CTNNA2: variants seen among roughly 807,000 people sequenced by gnomAD.
CTNNA2 encodes catenin alpha 2.
A neutral mutation model predicts 101.0 loss-of-function variants in CTNNA2; 42 were observed. The observed-to-expected ratio is 0.42, with a 90% CI of 0.32 to 0.54. CTNNA2 has a LOEUF of 0.54. CTNNA2 is among the 20% of genes least tolerant of loss of function. The probability of loss-of-function intolerance (pLI) is 0.14; values close to 1 mark genes in which losing one functional copy is unlikely to be tolerated. For synonymous variants in CTNNA2, 450 were observed against 456.4 expected (o/e 0.99, Z 0.18); for missense variants, 871 against 1,223.1 (o/e 0.71, Z 4.29).
intron 7 of CTNNA2, among the ~76,000 whole-genome samples, chr2:80,227,600 A>T (rs1288347406): frequency 6.6e-6 from 1 of 152,156 alleles, no homozygotes; most frequent in Non-Finnish European, 1.5e-5. Context: ...TGTGAGCCCG[A>T]GTTGTGCCTG....
chr2:79,610,832 A>G (rs1678222399), intron 1 of CTNNA2, among the ~76,000 whole-genome samples: 1 of 152,108 alleles, frequency 6.6e-6, no homozygotes, highest in African/African-American at 2.4e-5. Context: ...ATCAAATTGT[A>G]CACCTTAAAT....
chr2:79,415,166 C>A (rs745651074), intron 4 of CTNNA2, among the ~76,000 whole-genome samples: 2 of 152,080 alleles, frequency 1.3e-5, no homozygotes, highest in Admixed American at 1.3e-4. Context: ...TGGCTTCTTG[C>A]CATCCCTTTG....
intron 2 of CTNNA2, among the ~76,000 whole-genome samples, chr2:79,666,334 A>C (rs2104555820): frequency 6.6e-6 from 1 of 152,322 alleles, no homozygotes; most frequent in African/African-American, 2.4e-5. Context: ...TTGGTAGATT[A>C]ATATTAAAGT....
intron 4 of CTNNA2, among the ~76,000 whole-genome samples, chr2:79,865,898 T>C (rs1682048759): frequency 6.6e-6 from 1 of 152,162 alleles, no homozygotes; most frequent in African/African-American, 2.4e-5. Context: ...TTTTTGTATT[T>C]TTAGTAGAGA....
intron 1 of CTNNA2, among the ~76,000 whole-genome samples, chr2:79,587,031 G>A (rs1177504004): frequency 6.6e-6 from 1 of 152,138 alleles, no homozygotes; most frequent in Admixed American, 6.5e-5. Flanking sequence ...AGTATTCCAT[G>A]ATGTATATAT....
chr2:80,473,478 AAAT>A lies in CTNNA2; in HGVS notation c.1290+53878_1290+53880del, dbSNP rs1685476576. The stretch of plus-strand genomic sequence containing the variant: ...TTACCTATATATTCTAATTTTCCTA[AAAT>A]GAAAATATACAACCTCTGTAATATG... On this transcript the variant is annotated intron_variant, in intron 9 of 18. Coordinates refer to ENST00000402739, the MANE Select transcript of CTNNA2 (RefSeq NM_001282597.3). 2.0e-5 allele frequency among the ~76,000 whole-genome samples: 3 copies of A among 152,202 alleles called. No individual in the cohort carries two copies. In the South Asian group the frequency reaches 6.2e-4, roughly 31 times the overall value.
At position 79,932,204 on chromosome 2, in the gene CTNNA2, C is replaced by G. The variant is rs1687494147; in HGVS notation, c.1056+22407C>G. ...AAGGCTATGGGGACCTGCCCTTCCT[C>G]CCCACACTCTACCTCCAGAGCCCTC... On this transcript the variant is annotated intron_variant, in intron 7 of 18. Coordinates refer to ENST00000402739, the MANE Select transcript of CTNNA2 (RefSeq NM_001282597.3). Among the ~76,000 whole-genome samples, 3 of 152,272 alleles carry G rather than the reference C, an allele frequency of 2.0e-5. No homozygotes were observed. The East Asian group carries it at 5.8e-4, about 29-fold the overall frequency.
chr2:79,584,809 C>T (rs1401938622), intron 1 of CTNNA2, among the ~76,000 whole-genome samples: 5 of 152,136 alleles, frequency 3.3e-5, no homozygotes, highest in East Asian at 3.9e-4. Flanking sequence ...CGTGAGCCAC[C>T]GCACCCGGCG....
chr2:79,912,229 A>G (rs1685851597), intron 7 of CTNNA2, among the ~76,000 whole-genome samples: 2 of 152,222 alleles, frequency 1.3e-5, no homozygotes, highest in Non-Finnish European at 2.9e-5. Flanking sequence ...TGAACATTCC[A>G]CTTACACAAT....
At chr2:80,221,347 G>C (rs540477581) in intron 7 of CTNNA2, among the ~76,000 whole-genome samples, 1 of 152,246 alleles carries the variant, frequency 6.6e-6, no homozygotes, top group African/African-American at 2.4e-5. Context: ...ATTTTCTTCT[G>C]CAGTAGAGGG....
chr2:79,418,128 G>A (rs527435395), intron 4 of CTNNA2, among the ~76,000 whole-genome samples: 62 of 152,196 alleles, frequency 4.1e-4, no homozygotes, highest in African/African-American at 1.4e-3. Flanking sequence ...GTCCATGGGA[G>A]CGGTTGTGGA....
intron 1 of CTNNA2, among the ~76,000 whole-genome samples, chr2:79,518,562 G>C (rs187505159): frequency 6.6e-6 from 1 of 152,092 alleles, no homozygotes; most frequent in Admixed American, 6.5e-5. Context: ...TATGTCAGTT[G>C]TTCTTCCACA....
chr2:79,702,069 C>A (rs1328436770), intron 2 of CTNNA2, among the ~76,000 whole-genome samples: 1 of 150,742 alleles, frequency 6.6e-6, no homozygotes, highest in African/African-American at 2.4e-5. Context: ...AGAACAGGCC[C>A]CTGATACCCA....
chr2:79,511,554 A>C (rs1671541335), upstream of CTNNA2, among the ~76,000 whole-genome samples: 1 of 152,168 alleles, frequency 6.6e-6, no homozygotes, highest in African/African-American at 2.4e-5. Flanking sequence ...TTGCGTGCTA[A>C]GATTCTTCTT....
chr2:79,727,624 T>C (rs1298389517), intron 2 of CTNNA2, among the ~76,000 whole-genome samples: 2 of 151,858 alleles, frequency 1.3e-5, no homozygotes, highest in South Asian at 2.1e-4. Flanking sequence ...CTGTGCACAA[T>C]GTGCAGGTTA....
At chr2:80,606,155 T>G (rs1303049481) in intron 16 of CTNNA2, among the ~76,000 whole-genome samples, 1 of 151,862 alleles carries the variant, frequency 6.6e-6, no homozygotes, top group Non-Finnish European at 1.5e-5. Flanking sequence ...TAGGAAGGAC[T>G]TCTTGGGAGT....
chr2:80,187,861 C>T (rs1477983551), intron 7 of CTNNA2, among the ~76,000 whole-genome samples: 1 of 151,836 alleles, frequency 6.6e-6, no homozygotes, highest in African/African-American at 2.4e-5. Context: ...ATTTCCACTC[C>T]TTTTATCCTC....
intron 1 of CTNNA2, among the ~76,000 whole-genome samples, chr2:79,533,780 T>G (rs1672889481): frequency 6.8e-6 from 1 of 147,008 alleles, no homozygotes; most frequent in African/African-American, 2.5e-5. Flanking sequence ...GTCTGAGAGT[T>G]TCTGCCATTA....
At chr2:79,392,626 T>G (rs1409006033) in intron 4 of CTNNA2, among the ~76,000 whole-genome samples, 1 of 151,994 alleles carries the variant, frequency 6.6e-6, no homozygotes, top group African/African-American at 2.4e-5. Context: ...TTTCCACAAA[T>G]TCATCTTTTT....
Sources: gnomAD v4.1 joint callset for allele counts (sites outside exome capture counted in the v4.1 genomes callset) on GRCh38, gnomAD v4.1.1 for gene constraint, MANE v1.5 for transcripts, NCBI Gene and HGNC (gene_info 2026-07-23, HGNC 2026-07-21) for gene names.